PLD5: variants seen among roughly 807,000 people sequenced by gnomAD.
PLD5 encodes the protein inactive phospholipase D5.
Under a neutral mutation model 61.1 loss-of-function variants are expected in PLD5, and 36 were observed. The observed-to-expected ratio is 0.59, with a 90% CI of 0.45 to 0.78. The LOEUF (loss-of-function observed/expected upper bound fraction) is 0.78, where lower values mean the gene tolerates loss of function less well. PLD5 is among the 30% of genes least tolerant of loss of function. The probability of loss-of-function intolerance (pLI) is 0.00; values close to 1 mark genes in which losing one functional copy is unlikely to be tolerated. For synonymous variants in PLD5, 243 were observed against 242.8 expected, an observed-to-expected ratio of 1.00 and a Z score of -0.01; for missense variants, 515 against 644.4, an observed-to-expected ratio of 0.80 and a Z score of 2.17.
chr1:242,273,930 A>G (rs1255203725), intron 3 of PLD5, among the ~76,000 whole-genome samples: 2 of 152,132 alleles, frequency 1.3e-5, no homozygotes, highest in Non-Finnish European at 2.9e-5. Context: ...CAGGCTCTGG[A>G]GCCACTGGAG....
intron 2 of PLD5, among the ~76,000 whole-genome samples, chr1:242,297,842 T>C (rs1558441177): frequency 1.3e-5 from 2 of 151,446 alleles, no homozygotes; most frequent in Non-Finnish European, 2.9e-5. Context: ...GGTTTCACCT[T>C]GTTAGCCAGG....
intron 5 of PLD5, among the ~76,000 whole-genome samples, chr1:242,138,125 G>A (rs1010636673): frequency 2.0e-5 from 3 of 152,086 alleles, no homozygotes; most frequent in African/African-American, 7.2e-5. Flanking sequence ...AAAAGGTGAC[G>A]ACTGCTTAGT....
At chr1:242,151,657 G>T (rs1016017947) in intron 5 of PLD5, among the ~76,000 whole-genome samples, 1 of 151,978 alleles carries the variant, frequency 6.6e-6, no homozygotes, top group Non-Finnish European at 1.5e-5. Context: ...GTATTCTAAT[G>T]CTTGATGGTT....
chr1:242,495,046 T>C (rs1056899102), intron 1 of PLD5, among the ~76,000 whole-genome samples: 2 of 152,084 alleles, frequency 1.3e-5, no homozygotes, highest in African/African-American at 4.8e-5. Flanking sequence ...ATCTTAGGTA[T>C]AAAATGACTA....
At position 242,340,615 on chromosome 1, in the gene PLD5, G is replaced by A. The variant is rs551145996; in HGVS notation, c.326+7491C>T. 2.0e-5 allele frequency among the ~76,000 whole-genome samples: 3 copies of A among 152,080 alleles called. No homozygotes were observed. The South Asian group carries it at 6.2e-4, about 32-fold the overall frequency. On this transcript the variant is annotated intron_variant, in intron 2 of 9. Transcript: ENST00000536534. The stretch of plus-strand genomic sequence containing the variant: ...ATATGACAGATGCTATTGTATCAAA[G>A]GTACTCACATTAACATATTTAGTCT...
At chr1:242,160,718 C>A (rs187473346) in intron 5 of PLD5, among the ~76,000 whole-genome samples, 2 of 152,032 alleles carry the variant, frequency 1.3e-5, no homozygotes, top group African/African-American at 4.8e-5. Flanking sequence ...AACACCACCT[C>A]TACTAAAAAT....
At chr1:242,176,085 C>T (rs991738679) in intron 5 of PLD5, among the ~76,000 whole-genome samples, 1 of 152,142 alleles carries the variant, frequency 6.6e-6, no homozygotes, top group African/African-American at 2.4e-5. Flanking sequence ...GAAAAAACTG[C>T]TTTAAAGTTC....
rs567058114 is a variant in PLD5 at position 242,366,370 on chromosome 1, G to A, written c.190-18128C>T. Among the ~76,000 whole-genome samples, 3 of 152,202 alleles carry A rather than the reference G, an allele frequency of 2.0e-5. No individual in the cohort carries two copies. The South Asian group carries it at 6.2e-4, about 32-fold the overall frequency. ...CCTTTAAGTGAGAGATCTATCATCA[G>A]TTACACAGTTTTCTTATTTTCCCAT... is the stretch of plus-strand genomic sequence containing the variant. On this transcript the variant is annotated intron_variant, in intron 1 of 9. Transcript: ENST00000536534.
chr1:242,094,722 G>A (rs774589164), intron 9 of PLD5, among the ~76,000 whole-genome samples: 7 of 152,086 alleles, frequency 4.6e-5, no homozygotes, highest in Non-Finnish European at 1.0e-4. Context: ...TAAAGATATG[G>A]ATAGATCGGA....
rs1309314260 is a variant in PLD5, at chr1:242,085,441, A to T, written c.*4413T>A. On this transcript the variant is annotated 3_prime_UTR_variant, in exon 10 of 10. Coordinates refer to ENST00000536534, the MANE Select transcript of PLD5 (RefSeq NM_001372062.1). ...ATGGGAATTCTCTCAAATGAGAAAG[A>T]CAGGCTGCGAACTGGGGTTGATGTC... The T allele has an allele frequency of 1.3e-5, 2 of 152,242 alleles. No individual in the cohort carries two copies. Among genetic ancestry groups the T allele is most frequent in the Non-Finnish European group, 2.9e-5 (2 of 68,042 alleles). 9.4% of individuals were successfully genotyped at this position (152,242 alleles called of 1,614,324 possible).
chr1:242,285,173 T>A (rs900409133), intron 3 of PLD5, among the ~76,000 whole-genome samples: 1 of 152,242 alleles, frequency 6.6e-6, no homozygotes, highest in African/African-American at 2.4e-5. Flanking sequence ...TGACTTGAAC[T>A]AAGCTTCTAA....
chr1:242,308,450 T>C (rs1676503015), intron 2 of PLD5, among the ~76,000 whole-genome samples: 1 of 152,214 alleles, frequency 6.6e-6, no homozygotes, highest in South Asian at 2.1e-4. Context: ...GAGATACTTT[T>C]AAAGGTACCT....
chr1:242,363,021 C>G (rs1252305033), intron 1 of PLD5, among the ~76,000 whole-genome samples: 1 of 152,120 alleles, frequency 6.6e-6, no homozygotes, highest in East Asian at 1.9e-4. Context: ...TTTAGAAAGG[C>G]TAGAGTTGGC....
At position 242,345,375 on chromosome 1, in the gene PLD5, T is replaced by C. The variant is rs930710921; in HGVS notation, c.326+2731A>G. On this transcript the variant is annotated intron_variant, in intron 2 of 9. Transcript: ENST00000536534. ...TAACTGCGTTAGGCTAGCTTGGAAATGGAGTTGCTTGCTGGCAGGTAGGTG... is the reference window on the plus strand; with the variant it reads ...TAACTGCGTTAGGCTAGCTTGGAAACGGAGTTGCTTGCTGGCAGGTAGGTG... Among the ~76,000 whole-genome samples, 4 of 152,198 alleles carry C rather than the reference T, an allele frequency of 2.6e-5. 1 individual carries two copies. Among genetic ancestry groups the C allele is most frequent in the Admixed American group, 2.6e-4 (4 of 15,274 alleles).
intron 4 of PLD5, among the ~76,000 whole-genome samples, chr1:242,242,870 T>C: frequency 6.6e-6 from 1 of 152,248 alleles, no homozygotes; most frequent in East Asian, 1.9e-4. Flanking sequence ...GGAAATGTTA[T>C]AGCAAGTTGA....
chr1:242,210,439 C>G (rs1669732830), intron 5 of PLD5: 1 of 156,106 alleles, frequency 6.4e-6, no homozygotes, highest in Non-Finnish European at 1.4e-5. Flanking sequence ...CCCGCCTTAA[C>G]TGATGACATT....
chr1:242,470,898 G>A (rs150071810), intron 1 of PLD5, among the ~76,000 whole-genome samples: 42 of 152,300 alleles, frequency 2.8e-4, no homozygotes, highest in African/African-American at 9.4e-4. Context: ...GCGCTAATGC[G>A]GGACTCAGGC....
chr1:242,474,393 T>G (rs1431995551), intron 1 of PLD5, among the ~76,000 whole-genome samples: 1 of 152,282 alleles, frequency 6.6e-6, no homozygotes, highest in South Asian at 2.1e-4. Context: ...TTCCCCTCAC[T>G]ATCCCATATT....
chr1:242,422,846 CTT>C (rs3033897), intron 1 of PLD5, among the ~76,000 whole-genome samples: 41,061 of 129,498 alleles, frequency 0.32, 5,981 homozygotes, highest in Middle Eastern at 0.46. Context: ...GTATTTCTCT[CTT>C]TTTTTTTTTT....
Sources: gnomAD v4.1 joint callset for allele counts (sites outside exome capture counted in the v4.1 genomes callset) on GRCh38, gnomAD v4.1.1 for gene constraint, MANE v1.5 for transcripts, NCBI Gene and HGNC (gene_info 2026-07-23, HGNC 2026-07-21) for gene names.